The following GTPBP10 variants were observed in gnomAD, a reference collection of about 807,000 sequenced individuals.
GTPBP10 encodes the protein GTP-binding protein 10.
In GTPBP10, 38 loss-of-function variants were observed where a neutral mutation model predicts 44.8. The observed-to-expected ratio is 0.85, with a 90% CI of 0.65 to 1.11. The LOEUF (loss-of-function observed/expected upper bound fraction) is 1.11. Ranked by LOEUF, GTPBP10 falls within the 50% of genes most tolerant of loss-of-function variation. The pLI is 0.00. For missense variants in GTPBP10, 462 were observed against 453.7 expected, an observed-to-expected ratio of 1.02 and a Z score of -0.17; for synonymous variants, 152 against 150.6, an observed-to-expected ratio of 1.01 and a Z score of -0.07.
chr7:90,363,538 C>A (rs1393794157), intron 4 of GTPBP10, among the ~76,000 whole-genome samples: 2 of 152,130 alleles, frequency 1.3e-5, no homozygotes, highest in Admixed American at 1.3e-4. Flanking sequence ...TTGTGGGTAA[C>A]CCGACCTTTC....
At chr7:90,377,654 G>T in intron 7 of GTPBP10, 40 bp downstream of exon 7, 1 of 1,296,308 alleles carries the variant, frequency 7.7e-7, no homozygotes, top group South Asian at 1.5e-5. Flanking sequence ...CAAATAAATT[G>T]AAAACCAGTG....
chr7:90,355,742 G>A (rs1409621194), intron 4 of GTPBP10, among the ~76,000 whole-genome samples: 1 of 152,150 alleles, frequency 6.6e-6, no homozygotes, highest in African/African-American at 2.4e-5. Context: ...TGCTATGACT[G>A]TATATCCTTC....
rs886812416 is a variant in GTPBP10 at position 90,385,325 on chromosome 7, T to C, written c.*171T>C. On this transcript the variant is annotated 3_prime_UTR_variant, in exon 10 of 10. Transcript: ENST00000222511. The stretch of plus-strand genomic sequence containing the variant: ...AAGTTGAACTCATAGAAGGAGAGAA[T>C]AGAATGGTGGTTATCAAGGGCTGGT... 1.9e-6 allele frequency: 1 copy of C among 518,462 alleles called. No homozygotes were observed. The highest frequency in any genetic ancestry group is 1.9e-5 in the African/African-American group (1 of 51,344). The allele number at this position is 518,462 out of a possible 1,614,324, so 32.1% of individuals were successfully genotyped here.
chr7:90,382,203 C>T (rs949099859), intron 8 of GTPBP10, among the ~76,000 whole-genome samples: 3 of 152,110 alleles, frequency 2.0e-5, no homozygotes, highest in African/African-American at 7.2e-5. Context: ...AAACAACTCT[C>T]AATAGCAAGA....
intron 8 of GTPBP10, chr7:90,378,426 C>T (rs762895627): frequency 5.0e-6 from 1 of 201,094 alleles, no homozygotes; most frequent in Non-Finnish European, 8.9e-6. Flanking sequence ...TCCAAATCCC[C>T]ATTACATACT....
At chr7:90,364,097 G>A (rs918042046) in intron 4 of GTPBP10, among the ~76,000 whole-genome samples, 10 of 152,182 alleles carry the variant, frequency 6.6e-5, no homozygotes, top group Admixed American at 5.2e-4. Context: ...CCTTTAGCTC[G>A]GAGAATTCTG....
Position 90,370,015 on chromosome 7 carries a change from G to T in GTPBP10, c.465-2140G>T, listed in dbSNP as rs140271023. ...GGCATTGGAGACTCAGAGGGAGGAAGGATAGGAGGGCAGTGAGGGATGCAA... is the reference window on the plus strand; with the variant it reads ...GGCATTGGAGACTCAGAGGGAGGAATGATAGGAGGGCAGTGAGGGATGCAA... On this transcript the variant is annotated intron_variant, in intron 4 of 9. Transcript: ENST00000222511. Among the ~76,000 whole-genome samples, 3 of 152,130 alleles carry T rather than the reference G, an allele frequency of 2.0e-5. No individual in the cohort carries two copies. The East Asian group carries it at 5.8e-4, about 29-fold the overall frequency.
chr7:90,372,207 C>T lies in GTPBP10; in HGVS notation c.517C>T (p.Pro173Ser). The T allele has an allele frequency of 6.2e-7, 1 of 1,603,252 alleles. No homozygotes were observed. Among genetic ancestry groups the T allele is most frequent in the Non-Finnish European group, 8.5e-7 (1 of 1,173,452 alleles). Residue 173 changes from proline to serine, a missense_variant, in exon 5 of 10, where the codon CCT (proline) becomes TCT (serine). Physicochemically the swap from Pro to Ser is moderately conservative, Grantham distance 74. Coordinates refer to ENST00000222511, the MANE Select transcript of GTPBP10 (RefSeq NM_033107.4). Reference protein sequence around the residue: ...SLLSCVSHAKPAIADYAFTTL... With the variant: ...SLLSCVSHAKSAIADYAFTTL... ...GCTAAGTTGTGTTTCTCATGCAAAA[C>T]CTGCAATTGCAGATTACGCATGTAA...
At chr7:90,371,137 A>G (rs931219359) in intron 4 of GTPBP10, 7 of 880,438 alleles carry the variant, frequency 8.0e-6, no homozygotes, top group Middle Eastern at 5.9e-4. Flanking sequence ...TTTTAAAAAA[A>G]CAAATAATAC....
intron 4 of GTPBP10, among the ~76,000 whole-genome samples, chr7:90,357,558 T>G (rs1795927944): frequency 6.6e-6 from 1 of 152,186 alleles, no homozygotes; most frequent in Non-Finnish European, 1.5e-5. Context: ...AAATTAATAT[T>G]TGCAGAATAT....
intron 4 of GTPBP10, among the ~76,000 whole-genome samples, chr7:90,356,222 T>C (rs1584629894): frequency 6.6e-6 from 1 of 152,148 alleles, no homozygotes; most frequent in Non-Finnish European, 1.5e-5. Flanking sequence ...CTTACCACCA[T>C]TGGTTTAGGG....
At chr7:90,351,966 G>T (rs1391468007) in intron 1 of GTPBP10, among the ~76,000 whole-genome samples, 1 of 152,146 alleles carries the variant, frequency 6.6e-6, no homozygotes, top group Non-Finnish European at 1.5e-5. Flanking sequence ...AGAGTGCTGG[G>T]ATTACAGGCA....
intron 2 of GTPBP10, among the ~76,000 whole-genome samples, chr7:90,353,827 A>AT (rs71526685): frequency 0.11 from 9,562 of 90,836 alleles, 349 homozygotes; most frequent in South Asian, 0.28. Flanking sequence ...TTATAGATTC[A>AT]TTTTTTCTTT....
At chr7:90,382,210 A>G (rs1224513190) in intron 8 of GTPBP10, among the ~76,000 whole-genome samples, 1 of 152,194 alleles carries the variant, frequency 6.6e-6, no homozygotes, top group Non-Finnish European at 1.5e-5. Flanking sequence ...TCTCAATAGC[A>G]AGAAAACAAC....
Position 90,377,504 on chromosome 7 carries a change from T to G in GTPBP10, c.592-3T>G. ...TTTCATTAACCATTTAACTTTGTAT[T>G]AGATATCAGTAGCTGATCTTCCGGG... is the stretch of plus-strand genomic sequence containing the variant. On this transcript the variant is annotated splice_region_variant and splice_polypyrimidine_tract_variant and intron_variant, in intron 6 of 9. Transcript: ENST00000222511. 6.3e-7 allele frequency: 1 copy of G among 1,586,780 alleles called. No individual in the cohort carries two copies. The highest frequency in any genetic ancestry group is 8.6e-7 in the Non-Finnish European group (1 of 1,163,746).
chr7:90,357,523 A>G (rs1452342844), intron 4 of GTPBP10, among the ~76,000 whole-genome samples: 1 of 152,204 alleles, frequency 6.6e-6, no homozygotes, highest in Non-Finnish European at 1.5e-5. Context: ...AAATACCTCC[A>G]GCTAATACGC....
intron 9 of GTPBP10, 86 bp downstream of exon 9, chr7:90,383,165 G>A: frequency 1.0e-6 from 1 of 988,178 alleles, no homozygotes; most frequent in Non-Finnish European, 1.4e-6. Flanking sequence ...AAAACTGACA[G>A]TTTCTGCTCT....
chr7:90,353,817 T>TA lies in GTPBP10; in HGVS notation c.228-641_228-640insA, dbSNP rs1215386232. On this transcript the variant is annotated intron_variant, in intron 2 of 9. Coordinates refer to ENST00000222511, the MANE Select transcript of GTPBP10 (RefSeq NM_033107.4). ...TATTTGGTGGATTTTCTTTTTTTTT[T>TA]TATAGATTCATTTTTTCTTTTTTTT... Among the ~76,000 whole-genome samples the TA allele has an allele frequency of 2.9e-5, 4 of 135,758 alleles. No homozygotes were observed. The Admixed American group carries it at 3.3e-4, about 11-fold the overall frequency. The allele number at this position is 135,758 out of a possible 152,430, so 89.1% of individuals were successfully genotyped here.
chr7:90,377,466 A>G (rs371071176), intron 6 of GTPBP10, 41 bp from the exon 7 acceptor site: 7 of 1,387,760 alleles, frequency 5.0e-6, no homozygotes, highest in South Asian at 1.3e-5. Context: ...TGCGGTTTTC[A>G]TACATTTTCC....
Sources: allele counts gnomAD v4.1 joint callset (sites outside exome capture counted in the v4.1 genomes callset), GRCh38; gene constraint gnomAD v4.1.1; transcripts MANE v1.5; gene names NCBI Gene and HGNC (gene_info 2026-07-23, HGNC 2026-07-21).